Variants in RANBP10 observed in about 807,000 individuals in gnomAD.
The protein encoded by RANBP10 is ran-binding protein 10.
Under a neutral mutation model 72.8 loss-of-function variants are expected in RANBP10, and 24 were observed. That is an observed-to-expected ratio of 0.33 (90% CI 0.24 to 0.46). RANBP10 has a LOEUF of 0.46. Among genes scored for constraint, RANBP10 ranks in the 20% least tolerant of loss-of-function variants. The pLI is 1.00. For missense variants in RANBP10, 679 were observed against 817.5 expected, an observed-to-expected ratio of 0.83 and a Z score of 2.07; for synonymous variants, 310 against 322.3, an observed-to-expected ratio of 0.96 and a Z score of 0.41.
intron 3 of RANBP10, among the ~76,000 whole-genome samples, chr16:67,755,720 A>G (rs1387063988): frequency 2.0e-5 from 3 of 150,582 alleles, no homozygotes; most frequent in African/African-American, 4.9e-5. Flanking sequence ...ACAAGTGGAC[A>G]TGGCTGCTTG....
intron 2 of RANBP10, among the ~76,000 whole-genome samples, chr16:67,786,017 T>TA (rs111426578): frequency 1.2e-3 from 160 of 135,790 alleles, no homozygotes; most frequent in Middle Eastern, 3.6e-3. Flanking sequence ...TAATAATAAT[T>TA]AAAAAAAAAA....
At chr16:67,784,809 A>T (rs917874745) in intron 2 of RANBP10, among the ~76,000 whole-genome samples, 1 of 152,020 alleles carries the variant, frequency 6.6e-6, no homozygotes, top group African/African-American at 2.4e-5. Context: ...ACAAGAGCGA[A>T]ACTCCATCTA....
intron 6 of RANBP10, among the ~76,000 whole-genome samples, chr16:67,733,772 A>T (rs1030995027): frequency 6.6e-6 from 1 of 152,198 alleles, no homozygotes; most frequent in Non-Finnish European, 1.5e-5. Flanking sequence ...CAGGAGTCCA[A>T]CCTGGGCAAC....
At chr16:67,751,557 G>A (rs1046252241) in intron 3 of RANBP10, among the ~76,000 whole-genome samples, 19 of 152,092 alleles carry the variant, frequency 1.2e-4, no homozygotes, top group East Asian at 3.9e-4. Context: ...CTGGGGAGGC[G>A]GAGATTGGAG....
Position 67,772,090 on chromosome 16 carries a change from C to CAA in RANBP10, c.348-6_348-5dup, listed in dbSNP as rs35741053. On this transcript the variant is annotated splice_polypyrimidine_tract_variant and splice_region_variant and intron_variant, in intron 2 of 13. Coordinates refer to ENST00000317506, the MANE Select transcript of RANBP10 (RefSeq NM_020850.3). ...CGAGAGTCCTATTCCCATGTAACTT[C>CAA]AAAAAAAAAAAAAAAAAAAACACAA... 0.013 allele frequency: 16,661 copies of CAA among 1,285,220 alleles called. 9 individuals carry two copies. Among genetic ancestry groups the CAA allele is most frequent in the South Asian group, 0.031 (1,875 of 60,438 alleles). 79.6% of individuals were successfully genotyped at this position (1,285,220 alleles called of 1,614,324 possible).
intron 3 of RANBP10, among the ~76,000 whole-genome samples, chr16:67,748,039 A>C (rs2054121151): frequency 6.8e-6 from 1 of 147,440 alleles, no homozygotes; most frequent in African/African-American, 2.5e-5. Context: ...GTTAGCCAGG[A>C]TGGTCTTGAT....
chr16:67,769,650 G>A (rs1262247846), intron 3 of RANBP10, among the ~76,000 whole-genome samples: 2 of 146,510 alleles, frequency 1.4e-5, no homozygotes, highest in African/African-American at 2.5e-5. Context: ...GGAGGCTGAG[G>A]CAGGAGAACG....
At chr16:67,753,110 G>C (rs2054226866) in intron 3 of RANBP10, among the ~76,000 whole-genome samples, 1 of 151,416 alleles carries the variant, frequency 6.6e-6, no homozygotes. Flanking sequence ...GTGTGGCGGT[G>C]TGTACTTGTG....
chr16:67,762,764 A>T (rs2054423590), intron 3 of RANBP10, among the ~76,000 whole-genome samples: 1 of 152,240 alleles, frequency 6.6e-6, no homozygotes, highest in South Asian at 2.1e-4. Context: ...ACTGAAGCCC[A>T]ACACACTTAG....
At chr16:67,792,788 A>G (rs536729308) in intron 2 of RANBP10, among the ~76,000 whole-genome samples, 2 of 151,968 alleles carry the variant, frequency 1.3e-5, no homozygotes, top group African/African-American at 4.8e-5. Context: ...TCTCAAAAAA[A>G]AAAAAAAAGA....
At chr16:67,731,255 A>T in intron 7 of RANBP10, 1 of 509,136 alleles carries the variant, frequency 2.0e-6, no homozygotes, top group Non-Finnish European at 3.6e-6. Context: ...CAGAATGTGC[A>T]TTAGGGAGGC....
intron 3 of RANBP10, among the ~76,000 whole-genome samples, chr16:67,755,528 AC>A (rs1319456799): frequency 6.6e-6 from 1 of 152,004 alleles, no homozygotes. Flanking sequence ...TACTAAACAT[AC>A]AAAAATTAGC....
At chr16:67,788,211 G>A (rs1323680265) in intron 2 of RANBP10, among the ~76,000 whole-genome samples, 1 of 151,940 alleles carries the variant, frequency 6.6e-6, no homozygotes, top group Non-Finnish European at 1.5e-5. Flanking sequence ...GATTGAGATA[G>A]AGTCTCACTC....
rs577324809 is a variant in RANBP10, at chr16:67,774,170, CCT to C, written c.348-2086_348-2085del. 5.9e-5 allele frequency among the ~76,000 whole-genome samples: 9 copies of C among 152,344 alleles called. No homozygotes were observed. The East Asian group carries it at 1.7e-3, about 29-fold the overall frequency. ...CACAAGTGCAACAGTCAGGGCTTTC[CCT>C]GATTTAGACAACAGCCACTCACCAT... is the stretch of plus-strand genomic sequence containing the variant. On this transcript the variant is annotated intron_variant, in intron 2 of 13. Coordinates refer to ENST00000317506, the MANE Select transcript of RANBP10 (RefSeq NM_020850.3).
intron 2 of RANBP10, among the ~76,000 whole-genome samples, chr16:67,804,941 G>A (rs765552324): frequency 6.6e-6 from 1 of 152,204 alleles, no homozygotes; most frequent in Non-Finnish European, 1.5e-5. Flanking sequence ...TTCTGATCAT[G>A]TGTATGCTGT....
In RANBP10 at chr16:67,769,443, C is replaced by CAAAAAAAAAAAAAAA. The variant is rs768960411; in HGVS notation, c.400+2576_400+2590dup. 3.3e-4 allele frequency among the ~76,000 whole-genome samples: 10 copies of CAAAAAAAAAAAAAAA among 30,306 alleles called. 3 individuals are homozygous for CAAAAAAAAAAAAAAA. The highest frequency in any genetic ancestry group is 5.0e-4 in the African/African-American group (4 of 7,984). 19.9% of individuals were successfully genotyped at this position (30,306 alleles called of 152,430 possible). A position where few individuals can be genotyped will look rare whatever the true frequency, so the allele number is the denominator to read the frequency against. ...TGGGAAACGAAGCAAGACCCTGTCT[C>CAAAAAAAAAAAAAAA]AAAAAAAAAAAAAAAAAAAGTGCTG... On this transcript the variant is annotated intron_variant, in intron 3 of 13. Transcript: ENST00000317506.
intron 2 of RANBP10, among the ~76,000 whole-genome samples, chr16:67,802,977 A>G (rs1286544995): frequency 6.6e-6 from 1 of 152,220 alleles, no homozygotes; most frequent in African/African-American, 2.4e-5. Context: ...GATAAAGACT[A>G]GGAGAAAACA....
At chr16:67,751,868 A>G (rs1161322846) in intron 3 of RANBP10, among the ~76,000 whole-genome samples, 1 of 152,122 alleles carries the variant, frequency 6.6e-6, no homozygotes, top group Non-Finnish European at 1.5e-5. Flanking sequence ...GTGAGCTGAA[A>G]TCGCGCCACT....
chr16:67,768,252 G>A (rs1391106029), intron 3 of RANBP10, among the ~76,000 whole-genome samples: 1 of 151,830 alleles, frequency 6.6e-6, no homozygotes, highest in Admixed American at 6.6e-5. Flanking sequence ...CGGGCGTGGT[G>A]CCTCACGTTG....
Sources: allele counts gnomAD v4.1 joint callset (sites outside exome capture counted in the v4.1 genomes callset), GRCh38; gene constraint gnomAD v4.1.1; transcripts MANE v1.5; gene names NCBI Gene and HGNC (gene_info 2026-07-23, HGNC 2026-07-21).